NPM1: variants seen among roughly 807,000 people sequenced by gnomAD.
NPM1 encodes the protein nucleophosmin.
NPM1 carries 1 observed loss-of-function variant against 44.1 expected under a neutral mutation model. That is an observed-to-expected ratio of 0.02 (90% CI 0.01 to 0.11). NPM1 has a LOEUF of 0.11. Among genes scored for constraint, NPM1 ranks in the 10% least tolerant of loss-of-function variants. The pLI, the probability that NPM1 is intolerant of heterozygous loss-of-function variation, is 1.00. For synonymous variants in NPM1, 126 were observed against 111.8 expected, an observed-to-expected ratio of 1.13 and a Z score of -0.80; for missense variants, 197 against 347.8, an observed-to-expected ratio of 0.57 and a Z score of 3.45.
intron 3 of NPM1, 95 bp from the exon 4 acceptor site, chr5:171,391,611 T>G (rs1318628291): frequency 1.8e-6 from 2 of 1,116,810 alleles, no homozygotes; most frequent in African/African-American, 1.6e-5. Context: ...GAAAAACAGG[T>G]TCACTGGTTT....
intron 6 of NPM1, among the ~76,000 whole-genome samples, chr5:171,398,979 T>C (rs1771052096): frequency 6.6e-6 from 1 of 151,574 alleles, no homozygotes; most frequent in Non-Finnish European, 1.5e-5. Context: ...GCTTCCTGAG[T>C]AGCTGGGATT....
chr5:171,396,533 T>C (rs143798259), intron 6 of NPM1, among the ~76,000 whole-genome samples: 1 of 152,192 alleles, frequency 6.6e-6, no homozygotes, highest in African/African-American at 2.4e-5. Context: ...CAAATATTTC[T>C]TCGGTATTGG....
intron 6 of NPM1, among the ~76,000 whole-genome samples, chr5:171,393,968 A>C (rs1047196463): frequency 6.6e-6 from 1 of 152,140 alleles, no homozygotes; most frequent in African/African-American, 2.4e-5. Context: ...TAAAAATTCA[A>C]AGTACTTGCA....
intron 3 of NPM1, 27 bp from the exon 4 acceptor site, chr5:171,391,679 T>G: frequency 7.0e-7 from 1 of 1,419,950 alleles, no homozygotes. Flanking sequence ...TTCACATGTT[T>G]AGTGATGAAA....
intron 1 of NPM1, among the ~76,000 whole-genome samples, chr5:171,389,843 G>A (rs1770480949): frequency 6.6e-6 from 1 of 152,210 alleles, no homozygotes; most frequent in South Asian, 2.1e-4. Context: ...AATATGGTAT[G>A]ATGAGAGAAT....
chr5:171,391,839 CTT>C lies in NPM1; in HGVS notation c.352+42_352+43del, dbSNP rs1561864803. 3.1e-6 allele frequency: 4 copies of C among 1,271,988 alleles called. No individual in the cohort carries two copies. The East Asian group carries it at 7.0e-5, about 22-fold the overall frequency. The allele number at this position is 1,271,988 out of a possible 1,614,324, so 78.8% of individuals were successfully genotyped here. On this transcript the variant is annotated intron_variant, in intron 4 of 10. Coordinates refer to ENST00000296930, the MANE Select transcript of NPM1 (RefSeq NM_002520.7). ...TATATTATACTACTTAGTTTGTCCT[CTT>C]TAGTGCAGTTGCTTGGTTCCCAGTT...
chr5:171,392,652 T>C, intron 4 of NPM1, 58 bp from the exon 5 acceptor site: 2 of 1,168,748 alleles, frequency 1.7e-6, no homozygotes, highest in Non-Finnish European at 1.2e-6. Context: ...TCAGTGTTCT[T>C]TTTTTTTCTG....
At chr5:171,407,672 AC>A (rs769500852) in intron 9 of NPM1, 27 bp from the exon 10 acceptor site, 1 of 1,314,124 alleles carries the variant, frequency 7.6e-7, no homozygotes, top group Non-Finnish European at 1.1e-6. Flanking sequence ...TTCTCTACTT[AC>A]CTGTAATAAT....
chr5:171,407,495 C>G (rs1201607127), intron 9 of NPM1: 1 of 555,586 alleles, frequency 1.8e-6, no homozygotes, highest in African/African-American at 2.0e-5. Context: ...GACCCTTTGG[C>G]AAATCTGTTT....
At chr5:171,408,335 CTTA>C (rs1344149866) in intron 10 of NPM1, among the ~76,000 whole-genome samples, 2 of 152,024 alleles carry the variant, frequency 1.3e-5, no homozygotes, top group Non-Finnish European at 2.9e-5. Flanking sequence ...TATTTTTGCT[CTTA>C]TTTACAGTTG....
intron 9 of NPM1, 81 bp downstream of exon 9, chr5:171,405,484 T>C: frequency 1.4e-6 from 1 of 704,664 alleles, no homozygotes; most frequent in Non-Finnish European, 2.5e-6. Context: ...GAATGTTTCT[T>C]GTTTTTTTGT....
upstream of NPM1, chr5:171,387,542 T>C (rs974776554): frequency 2.7e-5 from 6 of 219,672 alleles, no homozygotes; most frequent in African/African-American, 4.5e-5. Flanking sequence ...CCGGCGCGCT[T>C]GAGCGGGAGA....
At chr5:171,392,605 AATAG>A (rs1233895839) in intron 4 of NPM1, 101 bp from the exon 5 acceptor site, 7 of 565,682 alleles carry the variant, frequency 1.2e-5, no homozygotes, top group South Asian at 8.1e-5. Context: ...TTTTTTTTTA[AATAG>A]AATAGAAGTC....
At chr5:171,406,401 A>G (rs747259799) in intron 9 of NPM1, 26 of 1,613,146 alleles carry the variant, frequency 1.6e-5, no homozygotes, top group Non-Finnish European at 1.7e-5. Flanking sequence ...TTGCAGGCGC[A>G]TTGAACAGTC....
chr5:171,400,994 T>C, intron 8 of NPM1, 69 bp downstream of exon 8: 2 of 1,081,996 alleles, frequency 1.8e-6, no homozygotes, highest in Non-Finnish European at 2.9e-6. Flanking sequence ...TGTGGAAGAA[T>C]CTAGTGTGTC....
intron 6 of NPM1, 81 bp from the exon 7 acceptor site, chr5:171,400,071 AT>A: frequency 1.2e-6 from 1 of 818,996 alleles, no homozygotes; most frequent in South Asian, 1.4e-5. Flanking sequence ...TGCACAAATA[AT>A]CACTTCAAGG....
intron 6 of NPM1, among the ~76,000 whole-genome samples, chr5:171,399,845 ATTTC>A (rs1771101088): frequency 6.6e-6 from 1 of 152,084 alleles, no homozygotes; most frequent in South Asian, 2.1e-4. Context: ...TATACCTTCT[ATTTC>A]TTTGAGTTTG....
intron 6 of NPM1, among the ~76,000 whole-genome samples, chr5:171,393,840 A>T (rs1186263195): frequency 6.6e-6 from 1 of 152,216 alleles, no homozygotes; most frequent in Admixed American, 6.5e-5. Context: ...AAGCTTAAAA[A>T]TTCAAAGTAT....
chr5:171,391,182 C>T (rs2113165510), intron 2 of NPM1, 123 bp from the exon 3 acceptor site: 1 of 1,112,228 alleles, frequency 9.0e-7, no homozygotes, highest in South Asian at 1.5e-5. Context: ...AATTGTCTAA[C>T]AACACATTTC....
Sources: gnomAD v4.1 joint callset for allele counts (sites outside exome capture counted in the v4.1 genomes callset) on GRCh38, gnomAD v4.1.1 for gene constraint, MANE v1.5 for transcripts, NCBI Gene and HGNC (gene_info 2026-07-23, HGNC 2026-07-21) for gene names.